The following NFXL1 variants were observed in gnomAD, a reference collection of about 807,000 sequenced individuals.
NFXL1 encodes NF-X1-type zinc finger protein NFXL1.
In NFXL1, 66 loss-of-function variants were observed where a neutral mutation model predicts 123.3. That is an observed-to-expected ratio of 0.54 (90% CI 0.44 to 0.66). NFXL1 has a LOEUF of 0.66. NFXL1 is among the 30% of genes least tolerant of loss of function. The pLI, the probability that NFXL1 is intolerant of heterozygous loss-of-function variation, is 0.00. For synonymous variants in NFXL1, 346 were observed against 360.8 expected (o/e 0.96, Z 0.46); for missense variants, 944 against 1,125.6 (o/e 0.84, Z 2.31).
chr4:47,887,983 A>C (rs892883124), intron 12 of NFXL1, among the ~76,000 whole-genome samples: 9 of 152,244 alleles, frequency 5.9e-5, no homozygotes, highest in African/African-American at 2.2e-4. Flanking sequence ...TAAAAAAAAA[A>C]ACTATAAATC....
At chr4:47,909,807 T>C (rs1044155695) in intron 3 of NFXL1, among the ~76,000 whole-genome samples, 7 of 151,938 alleles carry the variant, frequency 4.6e-5, no homozygotes, top group African/African-American at 1.7e-4. Flanking sequence ...TACAGGTGTG[T>C]GCCACCATGC....
intron 12 of NFXL1, among the ~76,000 whole-genome samples, chr4:47,886,987 A>T (rs1396910652): frequency 6.6e-6 from 1 of 152,212 alleles, no homozygotes; most frequent in Non-Finnish European, 1.5e-5. Context: ...CTAAGTACTA[A>T]GCCACCATTT....
At chr4:47,855,773 A>T (rs1288904989) in intron 19 of NFXL1, among the ~76,000 whole-genome samples, 1 of 152,132 alleles carries the variant, frequency 6.6e-6, no homozygotes, top group Admixed American at 6.6e-5. Context: ...ATATTAAAAA[A>T]ATATTATTTA....
Position 47,894,263 on chromosome 4 carries a change from G to T in NFXL1, c.1369C>A (p.Arg457=). ...AGATAAGGTTTATGACAAGGCATTCGTTTTGTATGCTTTCCACAGCGACAA... is the reference window on the plus strand; with the variant it reads ...AGATAAGGTTTATGACAAGGCATTCTTTTTGTATGCTTTCCACAGCGACAA... ...KHCRCGKHTK[R]MPCHKPYLCE... The change falls in exon 11 of 23, where the codon CGA becomes AGA. Residue 457 remains arginine, a synonymous_variant. Coordinates refer to ENST00000507489, the MANE Select transcript of NFXL1 (RefSeq NM_001278624.2). 1 of 1,601,662 alleles carries T rather than the reference G, an allele frequency of 6.2e-7. No individual in the cohort carries two copies.
rs1435252060 is a variant in NFXL1, at chr4:47,847,673, A to G, written c.*490T>C. ...CTAATAAACCAATTTCTGAAATCTA[A>G]TTACATACCTTCATGTCACAATTTA... On this transcript the variant is annotated 3_prime_UTR_variant, in exon 23 of 23. Coordinates refer to ENST00000507489, the MANE Select transcript of NFXL1 (RefSeq NM_001278624.2). The G allele has an allele frequency of 1.3e-5, 2 of 152,624 alleles. No homozygotes were observed. The highest frequency in any genetic ancestry group is 4.8e-5 in the African/African-American group (2 of 41,442). 9.5% of individuals were successfully genotyped at this position (152,624 alleles called of 1,614,324 possible). A position where few individuals can be genotyped will look rare whatever the true frequency, so the allele number is the denominator to read the frequency against.
chr4:47,865,959 T>C (rs1170496394), intron 18 of NFXL1, among the ~76,000 whole-genome samples: 2 of 152,088 alleles, frequency 1.3e-5, no homozygotes, highest in South Asian at 2.1e-4. Flanking sequence ...AAGGCTGCAG[T>C]GAGCCGTGAG....
At chr4:47,862,967 A>G (rs1163683883) in intron 18 of NFXL1, 52 bp from the exon 19 acceptor site, 3 of 950,924 alleles carry the variant, frequency 3.2e-6, no homozygotes, top group Admixed American at 4.8e-5. Context: ...TTTATAGCAT[A>G]ATTTTTCTAA....
rs192585931 is a variant in NFXL1, at chr4:47,873,862, T to A, written c.2246+1265A>T. On this transcript the variant is annotated intron_variant, in intron 18 of 22. Coordinates refer to ENST00000507489, the MANE Select transcript of NFXL1 (RefSeq NM_001278624.2). ...AAGGCTGTTTTGTCTACATTGGAAA[T>A]CTGTTGTTTTGTGTAGCCACCTTCA... 6.0e-4 allele frequency among the ~76,000 whole-genome samples: 92 copies of A among 152,360 alleles called. 1 individual carries two copies. Among genetic ancestry groups the A allele is most frequent in the Admixed American group, 3.0e-3 (46 of 15,306 alleles).
intron 17 of NFXL1, among the ~76,000 whole-genome samples, chr4:47,876,211 T>G (rs1056776664): frequency 3.3e-5 from 5 of 152,104 alleles, no homozygotes; most frequent in Admixed American, 3.3e-4. Context: ...TTCTTGGCAC[T>G]GGGAAGACAT....
At chr4:47,873,219 G>A (rs1735556425) in intron 18 of NFXL1, among the ~76,000 whole-genome samples, 1 of 152,084 alleles carries the variant, frequency 6.6e-6, no homozygotes, top group Non-Finnish European at 1.5e-5. Flanking sequence ...TTTCTGCACT[G>A]AAGTCTTGAA....
At chr4:47,869,362 A>G (rs1735294293) in intron 18 of NFXL1, among the ~76,000 whole-genome samples, 1 of 152,224 alleles carries the variant, frequency 6.6e-6, no homozygotes, top group East Asian at 1.9e-4. Flanking sequence ...ATTTTACGAT[A>G]TTACATCTTC....
intron 8 of NFXL1, among the ~76,000 whole-genome samples, chr4:47,898,386 G>A (rs1737215411): frequency 6.6e-6 from 1 of 152,092 alleles, no homozygotes; most frequent in Admixed American, 6.5e-5. Flanking sequence ...TTAAAACCAT[G>A]CCAATTCTAG....
In NFXL1 at chr4:47,862,874, C is replaced by G. The variant is rs1266774762; in HGVS notation, c.2288G>C (p.Ser763Thr). 5 of 1,582,764 alleles carry G rather than the reference C, an allele frequency of 3.2e-6. No individual in the cohort carries two copies. Among genetic ancestry groups the G allele is most frequent in the Non-Finnish European group, 4.3e-6 (5 of 1,167,606 alleles). ...TADVNEKNLL[S>T]CCKNQCPKEL... ...TTTAGGGCACTGATTTTTGCAACAA[C>G]TGAGGAGGTTCTTTTCATTTACATC... Residue 763 changes from serine (S) to threonine (T), a missense_variant, in exon 19 of 23, where the codon AGT becomes ACT. Transcript: ENST00000507489.
chr4:47,896,441 T>C (rs916374746), intron 10 of NFXL1, 82 bp downstream of exon 10: 17 of 1,112,096 alleles, frequency 1.5e-5, no homozygotes, highest in Non-Finnish European at 2.3e-5. Flanking sequence ...AAATAAGTAA[T>C]AGAAAACAAC....
In NFXL1 at chr4:47,848,179, G is replaced by A. The variant is rs1192167994; in HGVS notation, c.2720C>T (p.Thr907Ile). 1.9e-6 allele frequency: 3 copies of A among 1,589,600 alleles called. No homozygotes were observed. The East Asian group carries it at 6.7e-5, about 36-fold the overall frequency. Residue 907 changes from threonine to isoleucine, a missense_variant, in exon 23 of 23, where the codon ACC (threonine) becomes ATC (isoleucine). Physicochemically the swap from Thr to Ile is moderately conservative, Grantham distance 89. Transcript: ENST00000507489. ...VVVVVFAWYITHDVN is the reference protein window; with the variant it reads ...VVVVVFAWYIIHDVN ...AAACTTTTTTTAATTGACATCATGGGTGATGTACCAGGCAAACACTACAAC... is the reference window on the plus strand; with the variant it reads ...AAACTTTTTTTAATTGACATCATGGATGATGTACCAGGCAAACACTACAAC...
chr4:47,849,805 C>A (rs1734014481), intron 22 of NFXL1, among the ~76,000 whole-genome samples: 1 of 152,114 alleles, frequency 6.6e-6, no homozygotes, highest in African/African-American at 2.4e-5. Context: ...ATGATCAAGT[C>A]TCTACATAAA....
At chr4:47,904,327 C>A (rs942466933) in intron 4 of NFXL1, among the ~76,000 whole-genome samples, 2 of 152,206 alleles carry the variant, frequency 1.3e-5, no homozygotes, top group African/African-American at 4.8e-5. Flanking sequence ...GGGGCTTTAA[C>A]TCCCCAGTGC....
At chr4:47,908,797 C>T (rs1364879839) in intron 3 of NFXL1, among the ~76,000 whole-genome samples, 1 of 151,550 alleles carries the variant, frequency 6.6e-6, no homozygotes, top group East Asian at 1.9e-4. Context: ...CTACTAAAAA[C>T]ACAAAAAATT....
At chr4:47,849,349 T>G (rs749097706) in intron 22 of NFXL1, among the ~76,000 whole-genome samples, 1 of 152,140 alleles carries the variant, frequency 6.6e-6, no homozygotes, top group African/African-American at 2.4e-5. Context: ...TATTAAACTT[T>G]TACACATAAT....
Sources: gnomAD v4.1 joint callset for allele counts (sites outside exome capture counted in the v4.1 genomes callset) on GRCh38, gnomAD v4.1.1 for gene constraint, MANE v1.5 for transcripts, NCBI Gene and HGNC (gene_info 2026-07-23, HGNC 2026-07-21) for gene names.